TUSC3: variants seen among roughly 807,000 people sequenced by gnomAD.
The protein encoded by TUSC3 is tumor suppressor candidate 3.
TUSC3 carries 45 observed loss-of-function variants against 44.8 expected under a neutral mutation model. That is an observed-to-expected ratio of 1.00 (90% CI 0.79 to 1.29). The LOEUF (loss-of-function observed/expected upper bound fraction) is 1.29. TUSC3 is among the 50% of genes most tolerant of loss of function. The probability of loss-of-function intolerance (pLI) is 0.00; values close to 1 mark genes in which losing one functional copy is unlikely to be tolerated. For synonymous variants in TUSC3, 212 were observed against 152.9 expected, an observed-to-expected ratio of 1.39 and a Z score of -2.85; for missense variants, 519 against 437.9, an observed-to-expected ratio of 1.19 and a Z score of -1.65.
intron 1 of TUSC3, among the ~76,000 whole-genome samples, chr8:15,448,264 G>T (rs951225967): frequency 1.5e-4 from 23 of 151,632 alleles, no homozygotes; most frequent in Non-Finnish European, 3.1e-4. Context: ...GATCACAGAT[G>T]TGTGCAACCA....
chr8:15,600,921 T>G (rs1563127424), intron 1 of TUSC3, among the ~76,000 whole-genome samples: 1 of 151,734 alleles, frequency 6.6e-6, no homozygotes, highest in African/African-American at 2.4e-5. Flanking sequence ...ATTGTACATA[T>G]GGAGAGCCAA....
intron 1 of TUSC3, among the ~76,000 whole-genome samples, chr8:15,593,251 A>C (rs1803929264): frequency 6.6e-6 from 1 of 151,862 alleles, no homozygotes. Context: ...ACACCTGGCT[A>C]ATTTTTGTAG....
At chr8:15,680,371 T>A (rs1808372058) in intron 6 of TUSC3, among the ~76,000 whole-genome samples, 1 of 151,974 alleles carries the variant, frequency 6.6e-6, no homozygotes. Flanking sequence ...CAGTTGTGAA[T>A]AAGAATGTGT....
intron 3 of TUSC3, 188 bp downstream of exon 3, chr8:15,651,002 C>G (rs113199392): frequency 8.0e-5 from 44 of 553,338 alleles, no homozygotes; most frequent in Middle Eastern, 5.0e-4. Flanking sequence ...CACACACACA[C>G]ACACACACAC....
At chr8:15,451,116 G>T (rs1800192891) in intron 1 of TUSC3, among the ~76,000 whole-genome samples, 1 of 152,004 alleles carries the variant, frequency 6.6e-6, no homozygotes, top group African/African-American at 2.4e-5. Flanking sequence ...AGCTACAGAG[G>T]GAAGCTAGAG....
At chr8:15,843,495 G>A in the TUSC3 span, among the ~76,000 whole-genome samples, 1 of 151,690 alleles carries the variant, frequency 6.6e-6, no homozygotes, top group Non-Finnish European at 1.5e-5. Flanking sequence ...CAGATTCTTA[G>A]GCAGTTGGAT....
At chr8:15,430,711 C>A (rs924670237) in intron 1 of TUSC3, among the ~76,000 whole-genome samples, 4 of 151,584 alleles carry the variant, frequency 2.6e-5, no homozygotes, top group South Asian at 2.1e-4. Context: ...AGATGACATG[C>A]TTGTATATCT....
the TUSC3 span, among the ~76,000 whole-genome samples, chr8:15,829,402 C>T: frequency 1.3e-5 from 2 of 152,084 alleles, no homozygotes; most frequent in Admixed American, 1.3e-4. Flanking sequence ...TTTTTTTACC[C>T]TTCCTTACCT....
chr8:15,663,958 T>G (rs760828191), intron 5 of TUSC3, among the ~76,000 whole-genome samples: 2 of 151,884 alleles, frequency 1.3e-5, no homozygotes, highest in African/African-American at 2.4e-5. Context: ...TACCAAAAAT[T>G]GATGTAGTCT....
intron 1 of TUSC3, among the ~76,000 whole-genome samples, chr8:15,445,521 T>C (rs1210529067): frequency 1.3e-5 from 2 of 152,104 alleles, no homozygotes; most frequent in Non-Finnish European, 2.9e-5. Context: ...TGATGACTCT[T>C]AACGAGCATG....
chr8:15,549,323 G>A (rs888532534), intron 1 of TUSC3, among the ~76,000 whole-genome samples: 2 of 151,506 alleles, frequency 1.3e-5, no homozygotes, highest in East Asian at 2.0e-4. Context: ...ACAGGCGCAC[G>A]CCACCACATC....
intron 6 of TUSC3, among the ~76,000 whole-genome samples, chr8:15,706,942 A>G (rs1318469043): frequency 2.0e-5 from 3 of 152,000 alleles, no homozygotes; most frequent in African/African-American, 7.2e-5. Context: ...TAAAAAACTG[A>G]TAATTAGGAA....
intron 1 of TUSC3, among the ~76,000 whole-genome samples, chr8:15,434,488 C>G (rs1799919131): frequency 6.7e-6 from 1 of 149,750 alleles, no homozygotes; most frequent in African/African-American, 2.5e-5. Flanking sequence ...GTTTTATTCA[C>G]TAACCTGAAA....
intron 1 of TUSC3, among the ~76,000 whole-genome samples, chr8:15,615,707 A>G (rs572727636): frequency 1.1e-4 from 16 of 152,328 alleles, no homozygotes; most frequent in African/African-American, 3.8e-4. Flanking sequence ...ATTGTATAGT[A>G]TGTAGAAATA....
chr8:15,694,747 G>A (rs1248052390), intron 6 of TUSC3, among the ~76,000 whole-genome samples: 1 of 152,090 alleles, frequency 6.6e-6, no homozygotes, highest in African/African-American at 2.4e-5. Flanking sequence ...AACTCTGGGG[G>A]GCTGGTTTCA....
chr8:15,607,201 A>G (rs765121902), intron 1 of TUSC3, among the ~76,000 whole-genome samples: 3 of 151,958 alleles, frequency 2.0e-5, no homozygotes, highest in Non-Finnish European at 4.4e-5. Context: ...TGTTAATTCT[A>G]TTTCTGTATT....
chr8:15,488,442 C>T (rs1800763274), intron 2 of TUSC3, among the ~76,000 whole-genome samples: 1 of 152,100 alleles, frequency 6.6e-6, no homozygotes, highest in Admixed American at 6.5e-5. Flanking sequence ...GCCAAGGCTG[C>T]AGTAAGCCAT....
chr8:15,452,120 T>G (rs936866132), intron 1 of TUSC3, among the ~76,000 whole-genome samples: 24 of 152,166 alleles, frequency 1.6e-4, no homozygotes, highest in African/African-American at 5.8e-4. Flanking sequence ...TAATAGTGTT[T>G]TACATGACGT....
the TUSC3 span, among the ~76,000 whole-genome samples, chr8:15,825,889 T>C: frequency 1.4e-4 from 14 of 98,612 alleles, no homozygotes; most frequent in African/African-American, 6.2e-4. Context: ...TTGTTTCTTT[T>C]TTTTTTTTTT....
Sources: gnomAD v4.1 joint callset for allele counts (sites outside exome capture counted in the v4.1 genomes callset) on GRCh38, gnomAD v4.1.1 for gene constraint, MANE v1.5 for transcripts, NCBI Gene and HGNC (gene_info 2026-07-23, HGNC 2026-07-21) for gene names.